The following LCORL variants were observed in gnomAD, a reference collection of about 807,000 sequenced individuals.
LCORL encodes ligand-dependent nuclear receptor corepressor-like protein.
A neutral mutation model predicts 141.8 loss-of-function variants in LCORL; 41 were observed. That is an observed-to-expected ratio of 0.29 (90% CI 0.23 to 0.38). The LOEUF is 0.38. Ranked by LOEUF, LCORL falls within the 10% of genes least tolerant of loss-of-function variation. LCORL has a pLI of 1.00. For synonymous variants in LCORL, 618 were observed against 694.1 expected, an observed-to-expected ratio of 0.89 and a Z score of 1.72; for missense variants, 1,759 against 2,035.0, an observed-to-expected ratio of 0.86 and a Z score of 2.61.
chr4:17,981,454 T>G (rs949283761), intron 1 of LCORL, among the ~76,000 whole-genome samples: 5 of 152,172 alleles, frequency 3.3e-5, no homozygotes, highest in African/African-American at 9.7e-5. Flanking sequence ...ATTTTAAATA[T>G]TCTACTTTCA....
At chr4:17,998,436 CTTT>C (rs932785860) in intron 1 of LCORL, among the ~76,000 whole-genome samples, 9 of 151,694 alleles carry the variant, frequency 5.9e-5, no homozygotes, top group African/African-American at 2.2e-4. Flanking sequence ...TCTATTTAAA[CTTT>C]TTTTTAAAAC....
At chr4:17,943,157 G>A (rs1229802183) in intron 4 of LCORL, among the ~76,000 whole-genome samples, 1 of 152,114 alleles carries the variant, frequency 6.6e-6, no homozygotes, top group Non-Finnish European at 1.5e-5. Context: ...CCCCTGAGAT[G>A]ACAAGAGAAT....
At chr4:17,912,352 G>T in intron 4 of LCORL, 1 of 668,244 alleles carries the variant, frequency 1.5e-6, no homozygotes, top group Non-Finnish European at 2.8e-6. Context: ...CCATGAAGAG[G>T]AAGTAAAAGG....
chr4:17,896,784 G>C (rs1055135120), intron 5 of LCORL, among the ~76,000 whole-genome samples: 12 of 152,012 alleles, frequency 7.9e-5, no homozygotes, highest in Admixed American at 7.2e-4. Context: ...ATTGACTACA[G>C]TCATCCTATT....
intron 1 of LCORL, among the ~76,000 whole-genome samples, chr4:17,988,491 T>C (rs1719406186): frequency 6.6e-6 from 1 of 152,210 alleles, no homozygotes; most frequent in Admixed American, 6.5e-5. Flanking sequence ...CATGTTTCTT[T>C]GACTTTCTTT....
At chr4:17,939,760 G>A (rs539689735) in intron 4 of LCORL, among the ~76,000 whole-genome samples, 2 of 152,012 alleles carry the variant, frequency 1.3e-5, no homozygotes, top group Non-Finnish European at 2.9e-5. Context: ...ATGTGAAGGT[G>A]TCTAGAAAAG....
At chr4:17,911,559 A>G (rs535784395) in intron 4 of LCORL, 1 of 253,674 alleles carries the variant, frequency 3.9e-6, no homozygotes, top group East Asian at 1.2e-4. Flanking sequence ...AATCACTGGT[A>G]ATTTTGAAAA....
intron 1 of LCORL, among the ~76,000 whole-genome samples, chr4:18,009,864 A>T (rs776088591): frequency 1.3e-5 from 2 of 151,898 alleles, no homozygotes; most frequent in African/African-American, 4.8e-5. Context: ...TCCTCACCCT[A>T]TAAGGTTCTG....
chr4:17,982,495 T>C (rs185562152), intron 1 of LCORL, among the ~76,000 whole-genome samples: 2 of 114,950 alleles, frequency 1.7e-5, no homozygotes, highest in African/African-American at 6.6e-5. Flanking sequence ...GTTATCTCAC[T>C]GTGGTTTGAT....
exon 8 of LCORL, chr4:17,843,366 G>A (rs778475199): frequency 4.3e-6 from 7 of 1,611,706 alleles, no homozygotes; most frequent in East Asian, 2.2e-5. Context: ...AGCCAAAACC[G>A]CAGCACTAGA....
chr4:17,959,944 A>C (rs982357360), intron 4 of LCORL, among the ~76,000 whole-genome samples: 3 of 152,180 alleles, frequency 2.0e-5, no homozygotes, highest in Non-Finnish European at 4.4e-5. Context: ...AGTAGAACTC[A>C]AATGGCAAAC....
intron 6 of LCORL, chr4:17,883,043 T>C (rs1351284526): frequency 1.0e-6 from 1 of 978,022 alleles, no homozygotes; most frequent in Non-Finnish European, 1.2e-6. Context: ...TTTTTTAAAG[T>C]ATATACCTTA....
At chr4:17,956,325 A>G (rs1470282688) in intron 4 of LCORL, among the ~76,000 whole-genome samples, 2 of 152,148 alleles carry the variant, frequency 1.3e-5, no homozygotes, top group African/African-American at 2.4e-5. Context: ...CCAAAGGAAA[A>G]GAAATCAGTA....
intron 1 of LCORL, among the ~76,000 whole-genome samples, chr4:17,992,247 GT>G (rs1378593843): frequency 6.6e-6 from 1 of 152,190 alleles, no homozygotes; most frequent in Non-Finnish European, 1.5e-5. Context: ...GGAGAGAGAT[GT>G]GCTGAGTGAA....
intron 1 of LCORL, among the ~76,000 whole-genome samples, chr4:17,979,860 T>G (rs1272171177): frequency 6.6e-6 from 1 of 152,172 alleles, no homozygotes; most frequent in Non-Finnish European, 1.5e-5. Context: ...TCCTGGTGGA[T>G]TCTACATAAT....
At chr4:17,972,766 A>G in intron 2 of LCORL, 54 bp downstream of exon 2, 1 of 838,202 alleles carries the variant, frequency 1.2e-6, no homozygotes. Flanking sequence ...ACAATTTTTC[A>G]TTTGTTAAAT....
At chr4:17,980,023 G>A (rs1717677294) in intron 1 of LCORL, among the ~76,000 whole-genome samples, 1 of 152,186 alleles carries the variant, frequency 6.6e-6, no homozygotes, top group Non-Finnish European at 1.5e-5. Flanking sequence ...GGGAAATGCA[G>A]GAAATTTGAT....
intron 1 of LCORL, among the ~76,000 whole-genome samples, chr4:18,004,051 C>T (rs1722400042): frequency 1.3e-5 from 2 of 152,158 alleles, no homozygotes. Context: ...AACCAAAGCA[C>T]AGAACTTGTA....
intron 1 of LCORL, among the ~76,000 whole-genome samples, chr4:18,010,049 T>C (rs1723454570): frequency 6.6e-6 from 1 of 152,160 alleles, no homozygotes; most frequent in Non-Finnish European, 1.5e-5. Flanking sequence ...GAGACACCAG[T>C]GAATAAACTG....
Sources: allele counts gnomAD v4.1 joint callset (sites outside exome capture counted in the v4.1 genomes callset), GRCh38; gene constraint gnomAD v4.1.1; transcripts MANE v1.5; gene names NCBI Gene and HGNC (gene_info 2026-07-23, HGNC 2026-07-21).